The following PACRG variants were observed in gnomAD, a reference collection of about 807,000 sequenced individuals.
PACRG encodes the protein parkin coregulated, also known as parkin coregulated gene protein.
In PACRG, 29 loss-of-function variants were observed where a neutral mutation model predicts 29.7. That is an observed-to-expected ratio of 0.98 (90% CI 0.73 to 1.33). PACRG has a LOEUF of 1.33. Ranked by LOEUF, PACRG falls within the 40% of genes most tolerant of loss-of-function variation. The pLI is 0.00. For missense variants in PACRG, 279 were observed against 316.2 expected, an observed-to-expected ratio of 0.88 and a Z score of 0.89; for synonymous variants, 116 against 118.7, an observed-to-expected ratio of 0.98 and a Z score of 0.15.
chr6:162,926,966 C>A (rs1797489484), intron 2 of PACRG, among the ~76,000 whole-genome samples: 1 of 151,776 alleles, frequency 6.6e-6, no homozygotes. Flanking sequence ...CAAGAAAAAA[C>A]AAACAACTCC....
At chr6:162,837,749 C>A (rs1027939030) in intron 2 of PACRG, among the ~76,000 whole-genome samples, 1 of 152,078 alleles carries the variant, frequency 6.6e-6, no homozygotes, top group African/African-American at 2.4e-5. Context: ...ACACACCGAC[C>A]AGTCATACAC....
intron 2 of PACRG, among the ~76,000 whole-genome samples, chr6:162,901,744 T>A (rs1343706811): frequency 6.6e-6 from 1 of 152,208 alleles, no homozygotes. Context: ...ATTTGTTAGA[T>A]TTCAGTTTAA....
At chr6:162,818,008 G>A (rs982072094) in intron 2 of PACRG, among the ~76,000 whole-genome samples, 3 of 152,000 alleles carry the variant, frequency 2.0e-5, no homozygotes, top group African/African-American at 4.8e-5. Flanking sequence ...GCAAGCCCAG[G>A]AATAGCTTTT....
intron 4 of PACRG, among the ~76,000 whole-genome samples, chr6:163,100,096 C>G (rs1194190721): frequency 6.6e-6 from 1 of 152,004 alleles, no homozygotes; most frequent in African/African-American, 2.4e-5. Flanking sequence ...TGCCTGGACT[C>G]CTGGGCTGCC....
chr6:162,947,463 CAT>C lies in PACRG; in HGVS notation c.292-114681_292-114680del, dbSNP rs1799190478. On this transcript the variant is annotated intron_variant, in intron 2 of 4. Transcript: ENST00000366888. Reference sequence around the variant, plus strand: ...AAATATATATAATCATATATATAATCATATATAATATATATATAATCATATAT... The same window carrying C: ...AAATATATATAATCATATATATAATCATATAATATATATATAATCATATAT... Among the ~76,000 whole-genome samples, 4 of 22,648 alleles carry C rather than the reference CAT, an allele frequency of 1.8e-4. No individual in the cohort carries two copies. The South Asian group carries it at 4.7e-3, about 27-fold the overall frequency. 14.9% of individuals were successfully genotyped at this position (22,648 alleles called of 152,430 possible).
intron 2 of PACRG, among the ~76,000 whole-genome samples, chr6:162,995,033 G>A (rs1484467670): frequency 6.6e-6 from 1 of 151,154 alleles, no homozygotes; most frequent in African/African-American, 2.5e-5. Context: ...GCTGGGGGGT[G>A]CCTCCCAGTT....
At chr6:163,014,867 CA>C (rs1805948309) in intron 2 of PACRG, among the ~76,000 whole-genome samples, 2 of 152,038 alleles carry the variant, frequency 1.3e-5, no homozygotes, top group Admixed American at 1.3e-4. Flanking sequence ...ATCCATTTGT[CA>C]GTTTTTGTTT....
intron 2 of PACRG, among the ~76,000 whole-genome samples, chr6:162,829,183 C>G (rs1357322412): frequency 6.6e-6 from 1 of 152,160 alleles, no homozygotes; most frequent in Non-Finnish European, 1.5e-5. Flanking sequence ...AATGATGAGA[C>G]ACATGTGAGC....
At chr6:163,026,057 G>A (rs1433815657) in intron 2 of PACRG, among the ~76,000 whole-genome samples, 1 of 152,234 alleles carries the variant, frequency 6.6e-6, no homozygotes, top group East Asian at 1.9e-4. Context: ...AAGGAACAAA[G>A]TTGGGCACAT....
At chr6:162,877,273 A>C (rs916936287) in intron 2 of PACRG, among the ~76,000 whole-genome samples, 1 of 152,204 alleles carries the variant, frequency 6.6e-6, no homozygotes, top group Admixed American at 6.5e-5. Context: ...GAATGAGTTC[A>C]TGTCCTTTGC....
intron 2 of PACRG, among the ~76,000 whole-genome samples, chr6:162,990,326 A>C (rs1245839951): frequency 5.3e-5 from 8 of 151,848 alleles, no homozygotes; most frequent in African/African-American, 1.4e-4. Flanking sequence ...GACTTCCACA[A>C]TGGTTGAACT....
chr6:163,207,223 A>G (rs1352810875), intron 4 of PACRG, among the ~76,000 whole-genome samples: 2 of 152,172 alleles, frequency 1.3e-5, no homozygotes, highest in Non-Finnish European at 2.9e-5. Flanking sequence ...CTTTCCTTTT[A>G]GAAAGTGATC....
Position 163,141,444 on chromosome 6 carries a change from G to GTTT in PACRG, c.613+52048_613+52050dup, listed in dbSNP as rs61532073. On this transcript the variant is annotated intron_variant, in intron 4 of 4. Coordinates refer to ENST00000366888, the MANE Select transcript of PACRG (RefSeq NM_001080379.2). ...ACTATAGGATTTTTGTAATGTATGT[G>GTTT]TTTTTTTTTTTTTTAAAGCCAAACT... 8.4e-4 allele frequency among the ~76,000 whole-genome samples: 124 copies of GTTT among 147,274 alleles called. 1 individual carries two copies. Among genetic ancestry groups the GTTT allele is most frequent in the African/African-American group, 1.8e-3 (73 of 40,346 alleles).
At chr6:163,287,812 A>G (rs1055810678) in intron 4 of PACRG, among the ~76,000 whole-genome samples, 1 of 151,876 alleles carries the variant, frequency 6.6e-6, no homozygotes, top group African/African-American at 2.4e-5. Context: ...CAGTTGGGAA[A>G]CCTCAGAACG....
At chr6:163,236,632 A>G (rs1008841167) in intron 4 of PACRG, among the ~76,000 whole-genome samples, 1 of 152,176 alleles carries the variant, frequency 6.6e-6, no homozygotes, top group Non-Finnish European at 1.5e-5. Context: ...AATGTCTGCT[A>G]TGGGACTGAA....
chr6:163,038,374 T>A (rs1161025435), intron 2 of PACRG, among the ~76,000 whole-genome samples: 1 of 152,152 alleles, frequency 6.6e-6, no homozygotes, highest in Non-Finnish European at 1.5e-5. Context: ...AATGTGAAGC[T>A]GGAAAGAAAA....
chr6:163,129,322 C>T (rs998174301), intron 4 of PACRG, among the ~76,000 whole-genome samples: 4 of 152,196 alleles, frequency 2.6e-5, no homozygotes, highest in Admixed American at 2.0e-4. Context: ...AGGACATTGT[C>T]GTTTTTTAGG....
At chr6:163,107,153 G>A (rs1472901188) in intron 4 of PACRG, among the ~76,000 whole-genome samples, 1 of 152,050 alleles carries the variant, frequency 6.6e-6, no homozygotes, top group Non-Finnish European at 1.5e-5. Flanking sequence ...AAGCACAAGG[G>A]CATTTTAGTA....
At chr6:162,940,596 G>A (rs1008836683) in intron 2 of PACRG, among the ~76,000 whole-genome samples, 10 of 152,150 alleles carry the variant, frequency 6.6e-5, no homozygotes, top group Admixed American at 1.3e-4. Flanking sequence ...AGCAGAAAGG[G>A]ATTTGTTTTT....
Sources: allele counts gnomAD v4.1 joint callset (sites outside exome capture counted in the v4.1 genomes callset), GRCh38; gene constraint gnomAD v4.1.1; transcripts MANE v1.5; gene names NCBI Gene and HGNC (gene_info 2026-07-23, HGNC 2026-07-21).